Variants in PCDHGA7 observed in about 807,000 individuals in gnomAD.
The protein encoded by PCDHGA7 is protocadherin gamma-A7.
In PCDHGA7, 44 loss-of-function variants were observed where a neutral mutation model predicts 58.3. The observed-to-expected ratio is 0.75, with a 90% CI of 0.59 to 0.97. The LOEUF is 0.97. PCDHGA7 is among the 50% of genes least tolerant of loss of function. The pLI, the probability that PCDHGA7 is intolerant of heterozygous loss-of-function variation, is 0.00. For missense variants in PCDHGA7, 1,266 were observed against 1,188.7 expected (o/e 1.06, Z -0.96); for synonymous variants, 516 against 504.2 (o/e 1.02, Z -0.31).
At chr5:141,506,699 C>T (rs758682427) in intron 3 of PCDHGA7, among the ~76,000 whole-genome samples, 2 of 152,094 alleles carry the variant, frequency 1.3e-5, no homozygotes, top group Non-Finnish European at 2.9e-5. Flanking sequence ...GACCCAAACC[C>T]GTTTTTTACT....
chr5:141,507,754 C>T (rs1488474557), intron 3 of PCDHGA7, among the ~76,000 whole-genome samples: 7 of 152,242 alleles, frequency 4.6e-5, no homozygotes, highest in Admixed American at 2.0e-4. Flanking sequence ...GTCAAGGCCT[C>T]CCACCTTTGG....
intron 1 of PCDHGA7, among the ~76,000 whole-genome samples, chr5:141,453,974 T>C (rs1386640440): frequency 6.6e-6 from 1 of 152,242 alleles, no homozygotes; most frequent in Non-Finnish European, 1.5e-5. Flanking sequence ...CATGTAGTTG[T>C]GTTGCCTTCC....
intron 1 of PCDHGA7, chr5:141,400,377 A>G: frequency 1.2e-6 from 2 of 1,613,892 alleles, no homozygotes; most frequent in Non-Finnish European, 1.7e-6. Flanking sequence ...CCTACAACCT[A>G]TGTGTTGCAC....
chr5:141,508,777 AG>A (rs1428861784), intron 3 of PCDHGA7, among the ~76,000 whole-genome samples: 3 of 150,778 alleles, frequency 2.0e-5, no homozygotes, highest in Non-Finnish European at 4.4e-5. Context: ...TCCCCCCTCT[AG>A]CCCCTAAATC....
rs563283218 is a variant in PCDHGA7, at chr5:141,431,573, G to A, written c.2424+46250G>A. On this transcript the variant is annotated intron_variant, in intron 1 of 3. Coordinates refer to ENST00000518325, the MANE Select transcript of PCDHGA7 (RefSeq NM_018920.4). This position sits in a 1 kb window ranked among gnomAD's most constrained non-coding sequence, Gnocchi z 4.8. ...AGTCAACGCTACCGACCCTGACGAA[G>A]GAGTCAATGCGGAAGTGAGGTATTC... 5.6e-6 allele frequency: 9 copies of A among 1,614,186 alleles called. No homozygotes were observed. The South Asian group carries it at 8.8e-5, about 16-fold the overall frequency.
chr5:141,405,165 C>T (rs745998723), intron 1 of PCDHGA7: 1 of 1,614,096 alleles, frequency 6.2e-7, no homozygotes, highest in Admixed American at 1.7e-5. Flanking sequence ...GTGCCCACCT[C>T]ACACTTTGTG....
At chr5:141,408,716 A>G in intron 1 of PCDHGA7, 2 of 1,611,732 alleles carry the variant, frequency 1.2e-6, no homozygotes, top group East Asian at 2.2e-5. Context: ...AGATTATAAG[A>G]TAAACTCTAA....
intron 1 of PCDHGA7, chr5:141,478,588 T>G (rs2099465964): frequency 6.3e-7 from 1 of 1,575,000 alleles, no homozygotes; most frequent in African/African-American, 1.4e-5. Flanking sequence ...TAGTGCTTTT[T>G]TATTCCTACA....
chr5:141,389,223 G>T, intron 1 of PCDHGA7: 3 of 1,613,994 alleles, frequency 1.9e-6, no homozygotes, highest in East Asian at 2.2e-5. Flanking sequence ...AAATGACAAC[G>T]CTCCGGTTTT....
chr5:141,505,443 C>A lies in PCDHGA7; in HGVS notation c.2534C>A (p.Thr845Lys). ...TGTWPNNQFD[T>K]EMLQAMILAS... ...ACCTGGCCCAACAACCAGTTTGACA[C>A]AGAGATGCTGCAAGCCATGATCTTG... Residue 845 changes from threonine to lysine, a missense_variant, in exon 3 of 4, where the codon ACA becomes AAA. Physicochemically the swap from Thr to Lys is moderately conservative, Grantham distance 78. Transcript: ENST00000518325. 2 of 1,614,224 alleles carry A rather than the reference C, an allele frequency of 1.2e-6. No homozygotes were observed. Among genetic ancestry groups the A allele is most frequent in the Non-Finnish European group, 8.5e-7 (1 of 1,180,042 alleles).
rs752171326 is a variant in PCDHGA7 at position 141,395,310 on chromosome 5, A to C, written c.2424+9987A>C. The stretch of plus-strand genomic sequence containing the variant: ...TGGCATAAATTATGTTTTGAAAAAC[A>C]TTGTGAAGATAGTTGAAAATAATTT... On this transcript the variant is annotated intron_variant, in intron 1 of 3. Transcript: ENST00000518325. The C allele has an allele frequency of 3.3e-6, 5 of 1,502,410 alleles. No homozygotes were observed. In the East Asian group the frequency reaches 1.1e-4, roughly 34 times the overall value. 93.1% of individuals were successfully genotyped at this position (1,502,410 alleles called of 1,614,324 possible).
intron 1 of PCDHGA7, 58 bp from the exon 2 acceptor site, chr5:141,494,749 G>A (rs573811540): frequency 2.9e-5 from 47 of 1,612,698 alleles, no homozygotes; most frequent in Non-Finnish European, 3.6e-5. Flanking sequence ...CTAGGGGCTC[G>A]GGTGACATTC....
chr5:141,393,805 C>T (rs1266380650), intron 1 of PCDHGA7: 3 of 1,613,914 alleles, frequency 1.9e-6, no homozygotes, highest in South Asian at 1.1e-5. Flanking sequence ...CTGGGGAGGA[C>T]CAAATTGCTC....
chr5:141,420,179 T>C (rs1420076172), intron 1 of PCDHGA7: 16 of 1,614,054 alleles, frequency 9.9e-6, no homozygotes, highest in Non-Finnish European at 1.2e-5. Flanking sequence ...TGTTGATCAT[T>C]GTCCAGCCAC....
intron 1 of PCDHGA7, among the ~76,000 whole-genome samples, chr5:141,455,549 C>G (rs911113181): frequency 1.3e-5 from 2 of 152,042 alleles, no homozygotes; most frequent in Non-Finnish European, 2.9e-5. Flanking sequence ...TCACGTAGCC[C>G]GAGAAAAAGC....
At chr5:141,445,632 T>C (rs940642775) in intron 1 of PCDHGA7, among the ~76,000 whole-genome samples, 19 of 152,116 alleles carry the variant, frequency 1.2e-4, no homozygotes, top group Admixed American at 1.1e-3. Flanking sequence ...GAAAGTGATA[T>C]TTAGAGAGAT....
At chr5:141,391,884 G>C (rs1192403353) in intron 1 of PCDHGA7, 1 of 152,128 alleles carries the variant, frequency 6.6e-6, no homozygotes, top group East Asian at 1.9e-4. Flanking sequence ...TTGGTGAAAG[G>C]GATGGGATGG....
At chr5:141,410,266 G>A in intron 1 of PCDHGA7, 1 of 1,614,036 alleles carries the variant, frequency 6.2e-7, no homozygotes, top group South Asian at 1.1e-5. Context: ...AGGCTGAACT[G>A]CAGTTTTACC....
chr5:141,465,505 G>C (rs905617997), intron 1 of PCDHGA7, among the ~76,000 whole-genome samples: 1 of 152,190 alleles, frequency 6.6e-6, no homozygotes, highest in Non-Finnish European at 1.5e-5. Context: ...CATTGTCGTG[G>C]TCAGGAAGGA....
Sources: gnomAD v4.1 joint callset for allele counts (sites outside exome capture counted in the v4.1 genomes callset) on GRCh38, gnomAD v4.1.1 for gene constraint, Gnocchi (gnomAD v3.1) non-coding constraint, MANE v1.5 for transcripts, NCBI Gene and HGNC (gene_info 2026-07-23, HGNC 2026-07-21) for gene names.